ZNF451: variants seen among roughly 807,000 people sequenced by gnomAD.
ZNF451 encodes the protein zinc finger protein 451, also known as E3 SUMO-protein ligase ZNF451.
In ZNF451, 80 loss-of-function variants were observed where a neutral mutation model predicts 107.1. The observed-to-expected ratio is 0.75, with a 90% CI of 0.62 to 0.90. The LOEUF is 0.90. Among genes scored for constraint, ZNF451 ranks in the 40% least tolerant of loss-of-function variants. The pLI is 0.00. For synonymous variants in ZNF451, 362 were observed against 406.5 expected, an observed-to-expected ratio of 0.89 and a Z score of 1.32; for missense variants, 1,107 against 1,236.2, an observed-to-expected ratio of 0.90 and a Z score of 1.57.
intron 11 of ZNF451, chr6:57,151,396 A>AAT (rs1832342178): frequency 6.6e-6 from 1 of 151,656 alleles, no homozygotes; most frequent in Admixed American, 6.6e-5. Context: ...AAAAAAAAAA[A>AAT]AGTTTATGGA....
intron 4 of ZNF451, among the ~76,000 whole-genome samples, chr6:57,125,536 A>C (rs1276466327): frequency 6.6e-6 from 1 of 152,172 alleles, no homozygotes; most frequent in Non-Finnish European, 1.5e-5. Flanking sequence ...GCAGCTGTTT[A>C]GATTTCAGTA....
At chr6:57,093,071 G>GT (rs1341321959) in intron 2 of ZNF451, 8 of 152,098 alleles carry the variant, frequency 5.3e-5, no homozygotes, top group African/African-American at 1.9e-4. Context: ...TCTTATTTCT[G>GT]TTTAGTAATA....
intron 3 of ZNF451, chr6:57,108,871 C>T (rs984823823): frequency 5.1e-6 from 5 of 985,292 alleles, no homozygotes; most frequent in African/African-American, 1.7e-5. Context: ...TTCATTAAGT[C>T]ATTAAGCAAC....
intron 3 of ZNF451, among the ~76,000 whole-genome samples, chr6:57,111,069 G>A (rs1440508735): frequency 1.3e-5 from 2 of 151,922 alleles, no homozygotes; most frequent in Non-Finnish European, 2.9e-5. Context: ...ACAGGCGCAT[G>A]CCACCATTCC....
At chr6:57,091,284 A>G (rs1829032267) in intron 2 of ZNF451, 1 of 63,932 alleles carries the variant, frequency 1.6e-5, no homozygotes, top group Admixed American at 1.8e-4. Flanking sequence ...TCTTAGCGTT[A>G]TGGTGCTTCT....
chr6:57,101,019 C>T, intron 3 of ZNF451: 1 of 1,550,474 alleles, frequency 6.4e-7, no homozygotes, highest in Non-Finnish European at 8.7e-7. Flanking sequence ...ATCTGCAGTC[C>T]AGGAGCTGTT....
At chr6:57,114,379 C>T (rs1028104884) in intron 3 of ZNF451, among the ~76,000 whole-genome samples, 68 of 151,890 alleles carry the variant, frequency 4.5e-4, no homozygotes, top group Non-Finnish European at 9.9e-4. Flanking sequence ...TTAGGAAAAC[C>T]ATATATGTAA....
At chr6:57,156,213 C>G (rs530731983) in intron 13 of ZNF451, among the ~76,000 whole-genome samples, 6 of 152,106 alleles carry the variant, frequency 3.9e-5, no homozygotes, top group Non-Finnish European at 8.8e-5. Context: ...TATGTTCAGG[C>G]TTAGTTATCT....
chr6:57,167,161 CGTT>C (rs894022541), intron 14 of ZNF451, among the ~76,000 whole-genome samples: 11 of 151,640 alleles, frequency 7.3e-5, no homozygotes, highest in African/African-American at 1.9e-4. Context: ...GTAAAACAGA[CGTT>C]GTGATTTCGT....
At chr6:57,138,792 A>AT (rs397973821) in intron 7 of ZNF451, among the ~76,000 whole-genome samples, 31,158 of 77,408 alleles carry the variant, frequency 0.4, 7,510 homozygotes, top group Middle Eastern at 0.56. Flanking sequence ...TATATATAAA[A>AT]TTTTTTTTTT....
At chr6:57,128,940 T>C in intron 5 of ZNF451, 100 bp downstream of exon 5, 3 of 794,154 alleles carry the variant, frequency 3.8e-6, no homozygotes, top group South Asian at 2.0e-5. Context: ...ATATAAGATA[T>C]TAAATTTTGT....
intron 14 of ZNF451, among the ~76,000 whole-genome samples, chr6:57,162,482 A>G (rs1192604820): frequency 6.6e-6 from 1 of 152,210 alleles, no homozygotes; most frequent in Non-Finnish European, 1.5e-5. Context: ...GAAGGAAGCA[A>G]GTGTTTTGAC....
intron 14 of ZNF451, among the ~76,000 whole-genome samples, chr6:57,162,912 A>G (rs1365197846): frequency 6.6e-6 from 1 of 152,194 alleles, no homozygotes; most frequent in Non-Finnish European, 1.5e-5. Flanking sequence ...ATAGGATTCA[A>G]GAGAAGACAC....
chr6:57,133,969 C>T (rs1449479799), intron 6 of ZNF451, among the ~76,000 whole-genome samples: 2 of 152,216 alleles, frequency 1.3e-5, no homozygotes, highest in Non-Finnish European at 2.9e-5. Flanking sequence ...AGCCACCGCG[C>T]TCGGCCAGTT....
rs761448054 is a variant in ZNF451, at chr6:57,147,153, G to T, written c.1068G>T (p.Glu356Asp). 6.2e-7 allele frequency: 1 copy of T among 1,614,002 alleles called. No homozygotes were observed. Among genetic ancestry groups the T allele is most frequent in the South Asian group, 1.1e-5 (1 of 91,072 alleles). Residue 356 changes from glutamate (E) to aspartate (D), a missense_variant, in exon 10 of 15, where the codon GAG becomes GAT. This residue lies in a region of ZNF451 where 608 missense variants were observed against 649.2 expected (regional missense o/e 0.94). Transcript: ENST00000370706. ...VAEKSITQVA[E>D]KFILRGYCPD... ...AGAAGAGCATTACCCAGGTTGCAGAGAAATTCATATTAAGAGGTTATTGTC... is the reference window on the plus strand; with the variant it reads ...AGAAGAGCATTACCCAGGTTGCAGATAAATTCATATTAAGAGGTTATTGTC...
chr6:57,142,008 C>T lies in ZNF451; in HGVS notation c.917C>T (p.Ser306Phe). ...TCTTTTGCAAAGAAACTTTTGATCT[C>T]TCTGTGCAAAGATGTTCCCTTTCAA... ...FPSFAKKLLI[S>F]LCKDVPFQVK... is the part of the protein sequence containing the mutation. The change falls in exon 9 of 15, where the codon TCT becomes TTT. Residue 306 changes from serine to phenylalanine, a missense_variant. By Grantham distance (155) the Ser-to-Phe change is radical. Around this residue, in one of 5 missense-constraint regions of ZNF451, gnomAD observed 339 missense variants for 372.8 expected, o/e 0.91. Coordinates refer to ENST00000370706, the MANE Select transcript of ZNF451 (RefSeq NM_001031623.3). The T allele has an allele frequency of 6.2e-7, 1 of 1,614,094 alleles. No individual in the cohort carries two copies. The highest frequency in any genetic ancestry group is 8.5e-7 in the Non-Finnish European group (1 of 1,179,960).
chr6:57,143,073 A>G (rs1278722771), intron 9 of ZNF451, among the ~76,000 whole-genome samples: 1 of 152,118 alleles, frequency 6.6e-6, no homozygotes, highest in Non-Finnish European at 1.5e-5. Flanking sequence ...TCTAGATACA[A>G]ATCTTTTGTC....
chr6:57,100,929 T>C lies in ZNF451; in HGVS notation c.186+1788T>C, dbSNP rs763823570. On this transcript the variant is annotated intron_variant, in intron 3 of 14. Transcript: ENST00000370706. ...TCAAAGAGAATTTACGTATAGATTC[T>C]TCTTCAGCTTCACAGCATGGACGGG... 1.4e-5 allele frequency: 21 copies of C among 1,550,896 alleles called. 1 individual carries two copies. In the Admixed American group the frequency reaches 2.4e-4, roughly 17 times the overall value.
intron 3 of ZNF451, chr6:57,106,505 C>G (rs1447091129): frequency 1.8e-5 from 12 of 667,418 alleles, no homozygotes; most frequent in Non-Finnish European, 2.0e-5. Flanking sequence ...GGGGTCTCTC[C>G]ATGTTGGTCA....
Sources: allele counts gnomAD v4.1 joint callset (sites outside exome capture counted in the v4.1 genomes callset), GRCh38; gene constraint gnomAD v4.1.1; regional missense constraint gnomAD v4.1.1; transcripts MANE v1.5; gene names NCBI Gene and HGNC (gene_info 2026-07-23, HGNC 2026-07-21).